The following FBXO33 variants were observed in gnomAD, a reference collection of about 807,000 sequenced individuals.
FBXO33 encodes F-box protein 33, also known as F-box only protein 33.
Under a neutral mutation model 46.3 loss-of-function variants are expected in FBXO33, and 22 were observed. That is an observed-to-expected ratio of 0.48 (90% CI 0.34 to 0.68). The LOEUF is 0.68. Among genes scored for constraint, FBXO33 ranks in the 30% least tolerant of loss-of-function variants. The pLI is 0.01. For missense variants in FBXO33, 692 were observed against 708.8 expected, an observed-to-expected ratio of 0.98 and a Z score of 0.27; for synonymous variants, 337 against 291.3, an observed-to-expected ratio of 1.16 and a Z score of -1.60.
At chr14:39,424,137 A>G (rs1323743261) in intron 1 of FBXO33, among the ~76,000 whole-genome samples, 1 of 152,232 alleles carries the variant, frequency 6.6e-6, no homozygotes, top group African/African-American at 2.4e-5. Context: ...CTTGCACTAC[A>G]GAGCTACTCC....
At chr14:39,422,761 A>G (rs2075491420) in intron 1 of FBXO33, among the ~76,000 whole-genome samples, 1 of 152,212 alleles carries the variant, frequency 6.6e-6, no homozygotes, top group South Asian at 2.1e-4. Context: ...TAGAACACAA[A>G]AATCTCTACC....
chr14:39,429,707 T>C (rs571866271), intron 1 of FBXO33, among the ~76,000 whole-genome samples: 23 of 152,282 alleles, frequency 1.5e-4, no homozygotes, highest in African/African-American at 4.8e-4. Context: ...ATGCTAATAG[T>C]AGATGACAAG....
intron 1 of FBXO33, among the ~76,000 whole-genome samples, chr14:39,411,255 C>T (rs988052146): frequency 6.6e-6 from 1 of 151,636 alleles, no homozygotes; most frequent in Non-Finnish European, 1.5e-5. Flanking sequence ...ACCACCACAC[C>T]CAACTAATTT....
At chr14:39,425,156 C>T (rs2075506078) in intron 1 of FBXO33, among the ~76,000 whole-genome samples, 1 of 152,142 alleles carries the variant, frequency 6.6e-6, no homozygotes, top group South Asian at 2.1e-4. Context: ...TTTTTATTGT[C>T]TTATTATTCT....
chr14:39,413,318 G>A lies in FBXO33; in HGVS notation c.600-10807C>T, dbSNP rs550656017. Among the ~76,000 whole-genome samples, 5 of 152,346 alleles carry A rather than the reference G, an allele frequency of 3.3e-5. No individual in the cohort carries two copies. The South Asian group carries it at 1.0e-3, about 32-fold the overall frequency. ...TTCTCATGCATTCCAGTTTTATGAT[G>A]AGATTGTAGCAATTTAGTCAAATCT... On this transcript the variant is annotated intron_variant, in intron 1 of 3. Transcript: ENST00000298097.
rs1312850483 is a variant in FBXO33 at position 39,405,977 on chromosome 14, C to T, written c.600-3466G>A. ...TCAAGGAGACATCGAACAAAAAAAC[C>T]GTATTTTTTTCTGTTACAGAAAGGA... On this transcript the variant is annotated intron_variant, in intron 1 of 3. Coordinates refer to ENST00000298097, the MANE Select transcript of FBXO33 (RefSeq NM_203301.4). Among the ~76,000 whole-genome samples, 4 of 150,238 alleles carry T rather than the reference C, an allele frequency of 2.7e-5. No homozygotes were observed. The South Asian group carries it at 6.3e-4, about 24-fold the overall frequency.
At position 39,401,179 on chromosome 14, in the gene FBXO33, G is replaced by C; in HGVS notation, c.1393C>G (p.His465Asp). Residue 465 changes from histidine to aspartate, a missense_variant, in exon 3 of 4, where the codon CAT (histidine) becomes GAT (aspartate). By Grantham distance (81) the His-to-Asp change is moderately conservative. Coordinates refer to ENST00000298097, the MANE Select transcript of FBXO33 (RefSeq NM_203301.4). The stretch of plus-strand genomic sequence containing the variant: ...TACAATGAACAAGATCACCTACCAT[G>C]AATTGCCAGAAGAGAGAGCTTTGTG... ...RCTKLSLLAI[H>D]GYTVWAHNLI... 1.3e-6 allele frequency: 2 copies of C among 1,573,578 alleles called. No individual in the cohort carries two copies. Among genetic ancestry groups the C allele is most frequent in the Non-Finnish European group, 1.7e-6 (2 of 1,164,266 alleles).
At position 39,422,991 on chromosome 14, in the gene FBXO33, G is replaced by A. The variant is rs1187371073; in HGVS notation, c.599+8573C>T. On this transcript the variant is annotated intron_variant, in intron 1 of 3. Coordinates refer to ENST00000298097, the MANE Select transcript of FBXO33 (RefSeq NM_203301.4). ...ACAAAAATTAGCTAGGTGTGGTGGC[G>A]TGTGCCTGTAGTCCCAGCTACTCGG... 3.9e-5 allele frequency among the ~76,000 whole-genome samples: 6 copies of A among 152,030 alleles called. No individual in the cohort carries two copies. The East Asian group carries it at 5.8e-4, about 15-fold the overall frequency.
intron 1 of FBXO33, among the ~76,000 whole-genome samples, chr14:39,416,214 T>C (rs1378447119): frequency 2.0e-5 from 3 of 152,180 alleles, no homozygotes; most frequent in Non-Finnish European, 4.4e-5. Flanking sequence ...TCACTCCATT[T>C]CTGAGGGATA....
Position 39,431,464 on chromosome 14 carries a change from G to A in FBXO33, c.599+100C>T. ...CTCCGTCACTGAGGAAGGCAACACT[G>A]AAGTTGGCCGGGCACGTATTATGCA... On this transcript the variant is annotated intron_variant, in intron 1 of 3. Transcript: ENST00000298097. The A allele has an allele frequency of 5.1e-6, 8 of 1,564,896 alleles. No homozygotes were observed. In the Admixed American group the frequency reaches 9.3e-5, roughly 18 times the overall value.
intron 1 of FBXO33, among the ~76,000 whole-genome samples, chr14:39,427,930 C>A (rs1424518908): frequency 6.6e-6 from 1 of 152,114 alleles, no homozygotes; most frequent in Non-Finnish European, 1.5e-5. Flanking sequence ...AGTCACAGAG[C>A]AAGACTCTGT....
At chr14:39,415,956 GGT>G (rs2075446588) in intron 1 of FBXO33, among the ~76,000 whole-genome samples, 2 of 152,288 alleles carry the variant, frequency 1.3e-5, no homozygotes, top group South Asian at 4.1e-4. Context: ...TGTGAGCCAT[GGT>G]GTCCGGCCTA....
At chr14:39,405,313 A>G (rs2075390063) in intron 1 of FBXO33, among the ~76,000 whole-genome samples, 1 of 152,136 alleles carries the variant, frequency 6.6e-6, no homozygotes, top group Admixed American at 6.5e-5. Context: ...ATGTAGAGAA[A>G]ATGGACAGCC....
At chr14:39,427,037 T>C (rs1335509281) in intron 1 of FBXO33, among the ~76,000 whole-genome samples, 1 of 152,212 alleles carries the variant, frequency 6.6e-6, no homozygotes, top group East Asian at 1.9e-4. Context: ...ATAACTATCA[T>C]TTTAGCTCCT....
rs2075555615 is a variant in FBXO33, at chr14:39,431,754, G to C, written c.409C>G (p.Arg137Gly). 5 of 1,612,750 alleles carry C rather than the reference G, an allele frequency of 3.1e-6. No homozygotes were observed. Among genetic ancestry groups the C allele is most frequent in the Non-Finnish European group, 4.2e-6 (5 of 1,179,968 alleles). Residue 137 changes from arginine (R) to glycine (G), a missense_variant, in exon 1 of 4, where the codon CGA becomes GGA. By Grantham distance (125) the Arg-to-Gly change is moderately radical. Coordinates refer to ENST00000298097, the MANE Select transcript of FBXO33 (RefSeq NM_203301.4). The part of the protein sequence containing the change: ...FLMRKCGWFV[R>G]ELRVEFAAEN... ...GCGGCGAATTCAACACGCAGCTCTC[G>C]CACGAACCAGCCGCACTTGCGCATG...
chr14:39,407,668 G>A (rs1366119651), intron 1 of FBXO33, among the ~76,000 whole-genome samples: 1 of 152,144 alleles, frequency 6.6e-6, no homozygotes, highest in African/African-American at 2.4e-5. Flanking sequence ...TCCATTGCAT[G>A]TCTATATCAC....
intron 3 of FBXO33, 84 bp downstream of exon 3, chr14:39,401,092 T>A: frequency 8.1e-7 from 1 of 1,237,138 alleles, no homozygotes; most frequent in South Asian, 1.5e-5. Flanking sequence ...CTTGATACTA[T>A]AAAGGTCAGT....
chr14:39,416,279 C>T (rs994226670), intron 1 of FBXO33, among the ~76,000 whole-genome samples: 13 of 151,472 alleles, frequency 8.6e-5, no homozygotes, highest in African/African-American at 2.2e-4. Context: ...TTTCTTTCAG[C>T]GCTTATCTCA....
chr14:39,412,399 G>T (rs889842299), intron 1 of FBXO33, among the ~76,000 whole-genome samples: 3 of 152,104 alleles, frequency 2.0e-5, no homozygotes, highest in Non-Finnish European at 4.4e-5. Context: ...TATTTGCATG[G>T]AGTATCTTTT....
Sources: gnomAD v4.1 joint callset for allele counts (sites outside exome capture counted in the v4.1 genomes callset) on GRCh38, gnomAD v4.1.1 for gene constraint, MANE v1.5 for transcripts, NCBI Gene and HGNC (gene_info 2026-07-23, HGNC 2026-07-21) for gene names.